Variants in PDE3A observed in about 807,000 individuals in gnomAD.
The protein encoded by PDE3A is cGMP-inhibited 3',5'-cyclic phosphodiesterase 3A.
In PDE3A, 43 loss-of-function variants were observed where a neutral mutation model predicts 98.3. That is an observed-to-expected ratio of 0.44 (90% CI 0.34 to 0.56). The LOEUF (loss-of-function observed/expected upper bound fraction) is 0.56. Ranked by LOEUF, PDE3A falls within the 20% of genes least tolerant of loss-of-function variation. The probability of loss-of-function intolerance (pLI) is 0.01; values close to 1 mark genes in which losing one functional copy is unlikely to be tolerated. For synonymous variants in PDE3A, 663 were observed against 567.9 expected (o/e 1.17, Z -2.38); for missense variants, 1,427 against 1,440.7 (o/e 0.99, Z 0.15).
chr12:20,484,086 T>G (rs1945679521), intron 1 of PDE3A, among the ~76,000 whole-genome samples: 1 of 152,162 alleles, frequency 6.6e-6, no homozygotes, highest in South Asian at 2.1e-4. Context: ...TTTTCAAAAA[T>G]CTCCTTGTGT....
chr12:20,682,224 T>C lies in PDE3A; in HGVS notation c.*1953T>C, dbSNP rs949790568. The C allele has an allele frequency of 5.9e-5, 9 of 152,204 alleles. No individual in the cohort carries two copies. Among genetic ancestry groups the C allele is most frequent in the African/African-American group, 2.2e-4 (9 of 41,462 alleles). The allele number at this position is 152,204 out of a possible 1,614,324, so 9.4% of individuals were successfully genotyped here. A position where few individuals can be genotyped will look rare whatever the true frequency, so the allele number is the denominator to read the frequency against. On this transcript the variant is annotated 3_prime_UTR_variant, in exon 16 of 16. Coordinates refer to ENST00000359062, the MANE Select transcript of PDE3A (RefSeq NM_000921.5). ...GTTGGTGTCCATTTCTTTCCAACAC[T>C]GTTTGTTATGATTCTTCCTTGAGTA...
chr12:20,372,029 A>T (rs1221886769), intron 1 of PDE3A, among the ~76,000 whole-genome samples: 1 of 152,298 alleles, frequency 6.6e-6, no homozygotes, highest in East Asian at 1.9e-4. Context: ...ATTATTTTTT[A>T]AAATTTTATA....
intron 1 of PDE3A, among the ~76,000 whole-genome samples, chr12:20,469,379 A>T (rs1015844302): frequency 6.6e-6 from 1 of 151,746 alleles, no homozygotes. Context: ...ATGTCTGTCA[A>T]CTCCTCCCTA....
intron 1 of PDE3A, among the ~76,000 whole-genome samples, chr12:20,392,541 A>G (rs1943937662): frequency 7.3e-6 from 1 of 136,958 alleles, no homozygotes; most frequent in Non-Finnish European, 1.6e-5. Context: ...ATACATAAAT[A>G]AATAAATAAA....
At chr12:20,373,133 A>G (rs1943508090) in intron 1 of PDE3A, among the ~76,000 whole-genome samples, 1 of 152,126 alleles carries the variant, frequency 6.6e-6, no homozygotes. Flanking sequence ...AACAAAGTTT[A>G]TAGTTCTTTA....
At chr12:20,664,330 G>C (rs539546727) in intron 15 of PDE3A, among the ~76,000 whole-genome samples, 1 of 152,084 alleles carries the variant, frequency 6.6e-6, no homozygotes, top group African/African-American at 2.4e-5. Flanking sequence ...GTCTAAAATC[G>C]TCACTTAGAT....
intron 2 of PDE3A, among the ~76,000 whole-genome samples, chr12:20,581,204 T>TTAATATGACGAATGCATTAAATA (rs1184597179): frequency 4.6e-5 from 7 of 152,196 alleles, no homozygotes; most frequent in African/African-American, 1.2e-4. Flanking sequence ...TTTATATAGT[T>TTAATATGACGAATGCATTAAATA]TAATATGACG....
At chr12:20,375,322 A>T (rs1296268471) in intron 1 of PDE3A, among the ~76,000 whole-genome samples, 1 of 151,942 alleles carries the variant, frequency 6.6e-6, no homozygotes, top group African/African-American at 2.4e-5. Flanking sequence ...GATAGGTAGT[A>T]TTTTTTATTA....
At chr12:20,542,210 C>T (rs1370018958) in intron 1 of PDE3A, among the ~76,000 whole-genome samples, 1 of 151,848 alleles carries the variant, frequency 6.6e-6, no homozygotes, top group Non-Finnish European at 1.5e-5. Context: ...TTGTAAAAGA[C>T]TTTTTGGAAA....
intron 1 of PDE3A, among the ~76,000 whole-genome samples, chr12:20,406,585 T>G (rs1342461888): frequency 2.0e-5 from 3 of 152,192 alleles, no homozygotes; most frequent in Non-Finnish European, 4.4e-5. Flanking sequence ...TTGTATAAGT[T>G]CCCGATATAT....
intron 1 of PDE3A, among the ~76,000 whole-genome samples, chr12:20,409,775 CT>C (rs975454098): frequency 6.6e-6 from 1 of 152,120 alleles, no homozygotes; most frequent in African/African-American, 2.4e-5. Context: ...AGGAAAAAGG[CT>C]TTGAATCCAA....
intron 1 of PDE3A, among the ~76,000 whole-genome samples, chr12:20,424,115 A>G (rs1325949511): frequency 6.6e-6 from 1 of 152,154 alleles, no homozygotes; most frequent in African/African-American, 2.4e-5. Flanking sequence ...TTAAAAAAAT[A>G]CATATTGCGA....
chr12:20,553,754 G>GGAC (rs1942283057), intron 1 of PDE3A, among the ~76,000 whole-genome samples: 1 of 152,238 alleles, frequency 6.6e-6, no homozygotes, highest in Non-Finnish European at 1.5e-5. Flanking sequence ...GGCCACGGAC[G>GGAC]GACGCCAGCA....
At chr12:20,655,156 T>C (rs1945014929) in intron 15 of PDE3A, among the ~76,000 whole-genome samples, 1 of 151,932 alleles carries the variant, frequency 6.6e-6, no homozygotes, top group African/African-American at 2.4e-5. Context: ...TGCTGAGAAA[T>C]ATGAGAGTAA....
At chr12:20,653,226 G>A (rs1470140067) in intron 14 of PDE3A, among the ~76,000 whole-genome samples, 1 of 152,028 alleles carries the variant, frequency 6.6e-6, no homozygotes, top group Admixed American at 6.5e-5. Flanking sequence ...ACAATCACAG[G>A]AGATATATTA....
chr12:20,639,636 A>G (rs1944601592), intron 9 of PDE3A, among the ~76,000 whole-genome samples: 1 of 152,154 alleles, frequency 6.6e-6, no homozygotes, highest in Non-Finnish European at 1.5e-5. Context: ...ATTTTTAAGG[A>G]GACATGTGCA....
At chr12:20,649,800 C>A (rs1017262999) in intron 13 of PDE3A, among the ~76,000 whole-genome samples, 1 of 151,990 alleles carries the variant, frequency 6.6e-6, no homozygotes, top group African/African-American at 2.4e-5. Flanking sequence ...GTGGCGCACC[C>A]CTGTAGTCCT....
intron 1 of PDE3A, among the ~76,000 whole-genome samples, chr12:20,537,867 A>G (rs1316618847): frequency 7.7e-6 from 1 of 129,964 alleles, no homozygotes; most frequent in Non-Finnish European, 1.7e-5. Context: ...AAAAAAAAAA[A>G]CTTGTGAGAG....
intron 2 of PDE3A, among the ~76,000 whole-genome samples, chr12:20,575,514 A>T (rs953382110): frequency 1.3e-5 from 2 of 152,058 alleles, no homozygotes; most frequent in Non-Finnish European, 2.9e-5. Flanking sequence ...TTTGTGTATT[A>T]GCTGATTAGG....
Sources: gnomAD v4.1 joint callset for allele counts (sites outside exome capture counted in the v4.1 genomes callset) on GRCh38, gnomAD v4.1.1 for gene constraint, MANE v1.5 for transcripts, NCBI Gene and HGNC (gene_info 2026-07-23, HGNC 2026-07-21) for gene names.